MAGEB10: variants seen among roughly 807,000 people sequenced by gnomAD.
MAGEB10 encodes melanoma-associated antigen B10.
For missense variants in MAGEB10, 190 were observed against 261.9 expected (o/e 0.73, Z 1.89); for synonymous variants, 99 against 101.0 (o/e 0.98, Z 0.12).
intron 1 of MAGEB10, among the ~76,000 whole-genome samples, chrX:27,815,555 A>G (rs1472199350): frequency 8.9e-6 from 1 of 112,135 alleles, no homozygotes; most frequent in Non-Finnish European, 1.9e-5. Flanking sequence ...CTGGTGACTT[A>G]TTTGAGACTA....
At chrX:27,810,375 A>G (rs911089515) in intron 1 of MAGEB10, among the ~76,000 whole-genome samples, 2 of 111,683 alleles carry the variant, frequency 1.8e-5, no homozygotes, top group Admixed American at 1.9e-4. Flanking sequence ...AAGAACTGTA[A>G]CACTCACCAC....
intron 1 of MAGEB10, among the ~76,000 whole-genome samples, chrX:27,810,628 A>G (rs1923661799): frequency 9.0e-6 from 1 of 111,259 alleles, no homozygotes; most frequent in Non-Finnish European, 1.9e-5. Context: ...AACTAAGGCT[A>G]GCGCATTGAG....
chrX:27,808,563 A>T (rs1470972645), intron 1 of MAGEB10, among the ~76,000 whole-genome samples: 2 of 111,452 alleles, frequency 1.8e-5, no homozygotes, highest in African/African-American at 6.5e-5. Context: ...AAGACACTGA[A>T]TAATGTTTGA....
At chrX:27,810,253 C>T (rs752413563) in intron 1 of MAGEB10, among the ~76,000 whole-genome samples, 2 of 111,729 alleles carry the variant, frequency 1.8e-5, no homozygotes, top group East Asian at 2.8e-4. Context: ...ACACCACGAG[C>T]GAAGGTCTGC....
intron 1 of MAGEB10, among the ~76,000 whole-genome samples, chrX:27,810,054 C>T (rs1923646952): frequency 9.0e-6 from 1 of 111,227 alleles, no homozygotes; most frequent in Admixed American, 9.5e-5. Context: ...CCACTCAGCT[C>T]TCTGTAAAAT....
chrX:27,815,898 G>A (rs1923776325), intron 1 of MAGEB10, among the ~76,000 whole-genome samples: 1 of 111,723 alleles, frequency 9.0e-6, no homozygotes, highest in Non-Finnish European at 1.9e-5. Flanking sequence ...GACACACTGT[G>A]AAGAATCCCA....
At chrX:27,819,285 A>G (rs1476001067) in intron 2 of MAGEB10, among the ~76,000 whole-genome samples, 1 of 110,145 alleles carries the variant, frequency 9.1e-6, no homozygotes, top group African/African-American at 3.3e-5. Flanking sequence ...TACTCCCACA[A>G]AACACAAGCC....
At chrX:27,810,159 C>G (rs888042373) in intron 1 of MAGEB10, among the ~76,000 whole-genome samples, 1 of 111,578 alleles carries the variant, frequency 9.0e-6, no homozygotes, top group Non-Finnish European at 1.9e-5. Flanking sequence ...CCCTTCCAAA[C>G]TGTGGAAGCT....
chrX:27,808,705 G>A lies in MAGEB10; in HGVS notation c.-199+669G>A, dbSNP rs755671374. On this transcript the variant is annotated intron_variant, in intron 1 of 2. Transcript: ENST00000356790. ...CTTCTGGAGAGTCAGGGAAGTGATA[G>A]CATTGGACTAAGGTGTTGGCATCAA... Among the ~76,000 whole-genome samples the A allele has an allele frequency of 4.5e-5, 5 of 111,928 alleles. No individual in the cohort carries two copies. In the South Asian group the frequency reaches 1.9e-3, roughly 42 times the overall value.
At position 27,822,516 on chromosome X, in the gene MAGEB10, A is replaced by G. The variant is rs1287275542; in HGVS notation, c.*166A>G. 1 of 475,952 alleles carries G rather than the reference A, an allele frequency of 2.1e-6. No homozygotes were observed. The highest frequency in any genetic ancestry group is 3.5e-6 in the Non-Finnish European group (1 of 289,577). 39.2% of individuals were successfully genotyped at this position (475,952 alleles called of 1,213,427 possible). A position where few individuals can be genotyped will look rare whatever the true frequency, so the allele number is the denominator to read the frequency against. On this transcript the variant is annotated 3_prime_UTR_variant, in exon 3 of 3. Transcript: ENST00000356790. Reference sequence around the variant, plus strand: ...TGTTGTTCCTTTAATAGATGGTTAAAGTAGCTTCACTATCTAAGTTTATGA... The same window carrying G: ...TGTTGTTCCTTTAATAGATGGTTAAGGTAGCTTCACTATCTAAGTTTATGA...
rs1195341455 is a variant in MAGEB10, at chrX:27,822,940, G to A, written c.*590G>A. 8.8e-6 allele frequency: 1 copy of A among 113,946 alleles called. No homozygotes were observed. Among genetic ancestry groups the A allele is most frequent in the Non-Finnish European group, 1.9e-5 (1 of 52,943 alleles). 9.4% of individuals were successfully genotyped at this position (113,946 alleles called of 1,213,427 possible). On this transcript the variant is annotated 3_prime_UTR_variant, in exon 3 of 3. Coordinates refer to ENST00000356790, the MANE Select transcript of MAGEB10 (RefSeq NM_182506.3). Reference sequence around the variant, plus strand: ...TGAGGCAGGAGAATGGCGTAAACCCGGGAGGCGGAGCTTGCAGTGAGCCAA... The same window carrying A: ...TGAGGCAGGAGAATGGCGTAAACCCAGGAGGCGGAGCTTGCAGTGAGCCAA...
intron 1 of MAGEB10, among the ~76,000 whole-genome samples, chrX:27,814,138 T>C (rs1569212031): frequency 8.9e-6 from 1 of 111,748 alleles, no homozygotes; most frequent in African/African-American, 3.3e-5. Context: ...GTTTGTTATA[T>C]AGGTATGCAT....
intron 1 of MAGEB10, among the ~76,000 whole-genome samples, chrX:27,808,810 G>A (rs191407072): frequency 4.9e-4 from 55 of 111,742 alleles, no homozygotes; most frequent in African/African-American, 1.6e-3. Context: ...CTGCCATAGC[G>A]GACCGGTCCC....
intron 2 of MAGEB10, among the ~76,000 whole-genome samples, chrX:27,820,489 G>A (rs975247912): frequency 9.1e-6 from 1 of 110,454 alleles, no homozygotes; most frequent in Non-Finnish European, 1.9e-5. Context: ...CAGCAGAGAA[G>A]GAGTCCCAAG....
chrX:27,819,033 T>A (rs1026755705), intron 2 of MAGEB10, among the ~76,000 whole-genome samples: 2 of 110,873 alleles, frequency 1.8e-5, no homozygotes, highest in African/African-American at 6.6e-5. Flanking sequence ...ACCCACTCCA[T>A]AACAGACTGC....
chrX:27,820,076 G>A (rs1006563767), intron 2 of MAGEB10, among the ~76,000 whole-genome samples: 1 of 110,713 alleles, frequency 9.0e-6, no homozygotes, highest in Non-Finnish European at 1.9e-5. Flanking sequence ...ACAGCCTCAG[G>A]CCAGCAGATA....
intron 2 of MAGEB10, among the ~76,000 whole-genome samples, chrX:27,819,559 A>G (rs1297807076): frequency 1.8e-5 from 2 of 111,577 alleles, no homozygotes; most frequent in Non-Finnish European, 3.8e-5. Context: ...AGCCCTGTGT[A>G]AGCCCTGGGA....
chrX:27,808,798 T>C (rs1243450639), intron 1 of MAGEB10, among the ~76,000 whole-genome samples: 1 of 111,740 alleles, frequency 8.9e-6, no homozygotes, highest in Non-Finnish European at 1.9e-5. Context: ...AAAACTCCCT[T>C]TCTGCCATAG....
chrX:27,822,404 G>A lies in MAGEB10; in HGVS notation c.*54G>A, dbSNP rs182508711. ...TGAAAAGAAATGCACATTCTGAGCT[G>A]TGGGAGGTCAGGGTGGGACTGGAGA... On this transcript the variant is annotated 3_prime_UTR_variant, in exon 3 of 3. Transcript: ENST00000356790. The A allele has an allele frequency of 9.2e-7, 1 of 1,088,070 alleles. No homozygotes were observed. The highest frequency in any genetic ancestry group is 3.1e-5 in the East Asian group (1 of 32,783). 89.7% of individuals were successfully genotyped at this position (1,088,070 alleles called of 1,213,427 possible). A position where few individuals can be genotyped will look rare whatever the true frequency, so the allele number is the denominator to read the frequency against.
Sources: gnomAD v4.1 joint callset for allele counts (sites outside exome capture counted in the v4.1 genomes callset) on GRCh38, gnomAD v4.1.1 for gene constraint, MANE v1.5 for transcripts, NCBI Gene and HGNC (gene_info 2026-07-23, HGNC 2026-07-21) for gene names.